The following CCSAP variants were observed in gnomAD, a reference collection of about 807,000 sequenced individuals.
CCSAP encodes the protein centriole, cilia and spindle-associated protein.
In CCSAP, 17 loss-of-function variants were observed where a neutral mutation model predicts 25.9. That is an observed-to-expected ratio of 0.66 (90% CI 0.45 to 0.99). The LOEUF is 0.99. Among genes scored for constraint, CCSAP ranks in the 50% least tolerant of loss-of-function variants. The probability of loss-of-function intolerance (pLI) is 0.00; values close to 1 mark genes in which losing one functional copy is unlikely to be tolerated. For synonymous variants in CCSAP, 169 were observed against 157.1 expected (o/e 1.08, Z -0.57); for missense variants, 339 against 367.8 (o/e 0.92, Z 0.64).
chr1:229,335,047 C>T (rs1271173300), intron 2 of CCSAP, among the ~76,000 whole-genome samples: 1 of 152,190 alleles, frequency 6.6e-6, no homozygotes, highest in Admixed American at 6.5e-5. Flanking sequence ...GATGTGGTGG[C>T]TCACGTCTAT....
intron 2 of CCSAP, among the ~76,000 whole-genome samples, chr1:229,334,195 C>G (rs1658144362): frequency 6.6e-6 from 1 of 152,142 alleles, no homozygotes; most frequent in Admixed American, 6.5e-5. Context: ...CTCAGCCACC[C>G]AAATAGCTGG....
Position 229,342,654 on chromosome 1 carries a change from C to T in CCSAP, c.-48-141G>A. ...GGGCGGGGAGGGGGCGGGGCGGGGG[C>T]GGCCTCACCCGGCGGCCGGGACCAA... On this transcript the variant is annotated intron_variant, in intron 1 of 3. Transcript: ENST00000284617. The surrounding 1 kb of genome is among the most constrained non-coding windows in gnomAD (Gnocchi z 7.5). 2 of 373,124 alleles carry T rather than the reference C, an allele frequency of 5.4e-6. No individual in the cohort carries two copies. Among genetic ancestry groups the T allele is most frequent in the Non-Finnish European group, 9.4e-6 (2 of 212,990 alleles). 23.1% of individuals were successfully genotyped at this position (373,124 alleles called of 1,614,324 possible).
rs556297507 is a variant in CCSAP, at chr1:229,335,960, T to C, written c.367+6139A>G. Among the ~76,000 whole-genome samples, 10 of 152,040 alleles carry C rather than the reference T, an allele frequency of 6.6e-5. No individual in the cohort carries two copies. In the South Asian group the frequency reaches 2.1e-3, roughly 32 times the overall value. On this transcript the variant is annotated intron_variant, in intron 2 of 3. Coordinates refer to ENST00000284617, the MANE Select transcript of CCSAP (RefSeq NM_145257.5). Reference sequence around the variant, plus strand: ...AAAATAATACAACAATAAAAAGTAATACAAATTAAAAATATAGTAGAAAAA... The same window carrying C: ...AAAATAATACAACAATAAAAAGTAACACAAATTAAAAATATAGTAGAAAAA...
rs12736443 is a variant in CCSAP at position 229,342,363 on chromosome 1, G to A, written c.103C>T (p.Leu35=). The change falls in exon 2 of 4, where the codon CTA becomes TTA. Residue 35 remains leucine, a synonymous_variant. Transcript: ENST00000284617. The surrounding 1 kb of genome is among the most constrained non-coding windows in gnomAD (Gnocchi z 7.5). The part of the protein sequence containing the change: ...PCYRELLHYR[L]GRRLLEQAHA... ...GCCTGCTCCAGCAGCCGGCGGCCTA[G>A]GCGGTAGTGCAGCAGCTCGCGGTAG... 2.6e-6 allele frequency: 4 copies of A among 1,511,070 alleles called. No homozygotes were observed. The highest frequency in any genetic ancestry group is 2.7e-5 in the East Asian group (1 of 36,958). The allele number at this position is 1,511,070 out of a possible 1,614,324, so 93.6% of individuals were successfully genotyped here. A position where few individuals can be genotyped will look rare whatever the true frequency, so the allele number is the denominator to read the frequency against.
Position 229,327,141 on chromosome 1 carries a change from A to C in CCSAP, c.368-135T>G, listed in dbSNP as rs147361918. 2.2e-3 allele frequency: 1,549 copies of C among 696,750 alleles called. 5 individuals carry two copies. Among genetic ancestry groups the C allele is most frequent in the South Asian group, 5.1e-3 (191 of 37,176 alleles). The allele number at this position is 696,750 out of a possible 1,614,324, so 43.2% of individuals were successfully genotyped here. A position where few individuals can be genotyped will look rare whatever the true frequency, so the allele number is the denominator to read the frequency against. Reference sequence around the variant, plus strand: ...ATGGCTCAACTCATACGATCCACTTAAAGTAGAAATACAGGAACAAGTTAG... The same window carrying C: ...ATGGCTCAACTCATACGATCCACTTCAAGTAGAAATACAGGAACAAGTTAG... On this transcript the variant is annotated intron_variant, in intron 2 of 3. Transcript: ENST00000284617.
intron 2 of CCSAP, among the ~76,000 whole-genome samples, chr1:229,340,835 G>C (rs1205959717): frequency 6.6e-6 from 1 of 152,154 alleles, no homozygotes; most frequent in Non-Finnish European, 1.5e-5. Flanking sequence ...TTGCAATCGG[G>C]TAAACAAAAA....
At chr1:229,327,622 C>G (rs1657972441) in intron 2 of CCSAP, 1 of 455,280 alleles carries the variant, frequency 2.2e-6, no homozygotes, top group Non-Finnish European at 4.4e-6. Context: ...GTAATCCCAG[C>G]ACTTTGGGAG....
Position 229,324,379 on chromosome 1 carries a change from T to C in CCSAP, c.*856A>G, listed in dbSNP as rs558377241. The C allele has an allele frequency of 5.1e-4, 77 of 150,192 alleles. No homozygotes were observed. Among genetic ancestry groups the C allele is most frequent in the African/African-American group, 1.8e-3 (73 of 40,658 alleles). 9.3% of individuals were successfully genotyped at this position (150,192 alleles called of 1,614,324 possible). A position where few individuals can be genotyped will look rare whatever the true frequency, so the allele number is the denominator to read the frequency against. ...GAGGCAAAAGTCCACAGTGGGTGTA[T>C]GCCAAAAGGTCAAGTGTGACAAGGG... is the stretch of plus-strand genomic sequence containing the variant. On this transcript the variant is annotated 3_prime_UTR_variant, in exon 4 of 4. Coordinates refer to ENST00000284617, the MANE Select transcript of CCSAP (RefSeq NM_145257.5).
intron 2 of CCSAP, among the ~76,000 whole-genome samples, chr1:229,341,697 T>C (rs1003234200): frequency 6.6e-6 from 1 of 152,180 alleles, no homozygotes; most frequent in African/African-American, 2.4e-5. Context: ...TCTTAACCTT[T>C]TGGGTTACCT....
chr1:229,337,678 A>AAAAAAAAAAATATATAT, intron 2 of CCSAP, among the ~76,000 whole-genome samples: 92 of 65,424 alleles, frequency 1.4e-3, no homozygotes, highest in Non-Finnish European at 2.1e-3. Flanking sequence ...CTCAAAAAAA[A>AAAAAAAAAAATATATAT]ATATATATAT....
At position 229,325,119 on chromosome 1, in the gene CCSAP, C is replaced by T. The variant is rs1464576485; in HGVS notation, c.*116G>A. The T allele has an allele frequency of 1.9e-6, 2 of 1,038,370 alleles. No homozygotes were observed. The highest frequency in any genetic ancestry group is 1.6e-5 in the African/African-American group (1 of 62,596). 64.3% of individuals were successfully genotyped at this position (1,038,370 alleles called of 1,614,324 possible). On this transcript the variant is annotated 3_prime_UTR_variant, in exon 4 of 4. Coordinates refer to ENST00000284617, the MANE Select transcript of CCSAP (RefSeq NM_145257.5). ...CTTTTACAAATTCCCTAAAAAAAAC[C>T]TTGCATAATCAGTTGGTTTCTTAAA...
chr1:229,342,172 G>C lies in CCSAP; in HGVS notation c.294C>G (p.Arg98=), dbSNP rs886737304. ...CCGCGTCCTGCTCCTCCGGGGCCCC[G>C]CGCGCCCGCCGTTCCGCCTCCTCCT... ...ATQEEAERRA[R]GAPEEQDAEA... is the part of the protein sequence containing the mutation. Residue 98 remains arginine, a synonymous_variant, in exon 2 of 4, where the codon CGC becomes CGG. Transcript: ENST00000284617. This position sits in a 1 kb window ranked among gnomAD's most constrained non-coding sequence, Gnocchi z 7.5. 12 of 1,290,898 alleles carry C rather than the reference G, an allele frequency of 9.3e-6. No individual in the cohort carries two copies. In the Admixed American group the frequency reaches 4.0e-4, roughly 43 times the overall value. 80.0% of individuals were successfully genotyped at this position (1,290,898 alleles called of 1,614,324 possible).
chr1:229,336,412 T>A (rs776062407), intron 2 of CCSAP, among the ~76,000 whole-genome samples: 1 of 151,908 alleles, frequency 6.6e-6, no homozygotes, highest in East Asian at 1.9e-4. Context: ...AAAGGCCTCA[T>A]GGTAAAGGAG....
intron 2 of CCSAP, among the ~76,000 whole-genome samples, chr1:229,336,435 C>T (rs77523750): frequency 0.019 from 2,838 of 152,164 alleles, 91 homozygotes; most frequent in South Asian, 0.078. Context: ...CCCTCCTCGG[C>T]ACCTTCCTCC....
rs1658352787 is a variant in CCSAP, at chr1:229,342,230, G to T, written c.236C>A (p.Pro79His). 3 of 1,262,802 alleles carry T rather than the reference G, an allele frequency of 2.4e-6. No homozygotes were observed. The South Asian group carries it at 9.0e-5, about 38-fold the overall frequency. The allele number at this position is 1,262,802 out of a possible 1,614,324, so 78.2% of individuals were successfully genotyped here. The change falls in exon 2 of 4, where the codon CCC (proline) becomes CAC (histidine). Residue 79 changes from proline (P) to histidine (H), a missense_variant. Transcript: ENST00000284617. This position sits in a 1 kb window ranked among gnomAD's most constrained non-coding sequence, Gnocchi z 7.5. ...AGGPAPRCAP[P>H]SPPPPVEPAT... ...CGGCTCTACGGGCGGCGGGGGCGAG[G>T]GCGGGGCGCACCGGGGTGCGGGGCC...
chr1:229,332,014 T>G (rs1658080552), intron 2 of CCSAP, among the ~76,000 whole-genome samples: 4 of 151,782 alleles, frequency 2.6e-5, no homozygotes, highest in Non-Finnish European at 4.4e-5. Flanking sequence ...GGCTAATTTT[T>G]GTATTTTTAG....
chr1:229,336,014 G>C (rs1658187596), intron 2 of CCSAP, among the ~76,000 whole-genome samples: 1 of 151,642 alleles, frequency 6.6e-6, no homozygotes, highest in Non-Finnish European at 1.5e-5. Context: ...ATTGTATTAG[G>C]TATTATAAGT....
intron 2 of CCSAP, among the ~76,000 whole-genome samples, chr1:229,332,966 T>C (rs1658104924): frequency 6.6e-6 from 1 of 152,172 alleles, no homozygotes; most frequent in African/African-American, 2.4e-5. Context: ...AGAATGTAAA[T>C]TTTTATCAAT....
In CCSAP at chr1:229,337,721, A is replaced by G. The variant is rs1417419332; in HGVS notation, c.367+4378T>C. 1.5e-4 allele frequency among the ~76,000 whole-genome samples: 18 copies of G among 122,956 alleles called. 1 individual carries two copies. The highest frequency in any genetic ancestry group is 7.8e-4 in the Admixed American group (9 of 11,584). The allele number at this position is 122,956 out of a possible 152,430, so 80.7% of individuals were successfully genotyped here. A position where few individuals can be genotyped will look rare whatever the true frequency, so the allele number is the denominator to read the frequency against. ...TATACACATACATATATATATATGT[A>G]TATATATATGTGTGTGTGCGTGTCT... On this transcript the variant is annotated intron_variant, in intron 2 of 3. Transcript: ENST00000284617.
Sources: allele counts gnomAD v4.1 joint callset (sites outside exome capture counted in the v4.1 genomes callset), GRCh38; gene constraint gnomAD v4.1.1; non-coding constraint Gnocchi (gnomAD v3.1); transcripts MANE v1.5; gene names NCBI Gene and HGNC (gene_info 2026-07-23, HGNC 2026-07-21).